TPM1: variants seen among roughly 807,000 people sequenced by gnomAD.
TPM1 encodes tropomyosin 1.
Under a neutral mutation model 42.9 loss-of-function variants are expected in TPM1, and 24 were observed. The observed-to-expected ratio is 0.56, with a 90% CI of 0.41 to 0.79. TPM1 has a LOEUF of 0.79. Among genes scored for constraint, TPM1 ranks in the 30% least tolerant of loss-of-function variants. The pLI, the probability that TPM1 is intolerant of heterozygous loss-of-function variation, is 0.00. For missense variants in TPM1, 158 were observed against 351.8 expected (o/e 0.45, Z 4.41); for synonymous variants, 136 against 130.1 (o/e 1.05, Z -0.31).
intron 8 of TPM1, 55 bp from the exon 9 acceptor site, chr15:63,064,009 T>C: frequency 6.2e-7 from 1 of 1,607,276 alleles, no homozygotes; most frequent in South Asian, 1.1e-5. Flanking sequence ...TCACCCTCCA[T>C]TTCTTGATCA....
rs1042678324 is a variant in TPM1, at chr15:63,066,082, C to G, written c.*183C>G. 6.6e-7 allele frequency: 1 copy of G among 1,515,866 alleles called. No homozygotes were observed. The highest frequency in any genetic ancestry group is 8.8e-7 in the Non-Finnish European group (1 of 1,138,432). 93.9% of individuals were successfully genotyped at this position (1,515,866 alleles called of 1,614,324 possible). On this transcript the variant is annotated 3_prime_UTR_variant, in exon 10 of 10. Transcript: ENST00000403994. ...TCTTCGTTTCAGTGTCAAATAAACA[C>G]TGTGTAAGCTATTTCTGTTTGCTAT... is the stretch of plus-strand genomic sequence containing the variant.
rs367704354 is a variant in TPM1 at position 63,055,250 on chromosome 15, G to A, written c.241-1735G>A. 1.2e-3 allele frequency among the ~76,000 whole-genome samples: 178 copies of A among 152,280 alleles called. 7 individuals carry two copies. The South Asian group carries it at 0.032, about 27-fold the overall frequency. ...CTCTGATTTATTTCACATTTGCCCT[G>A]CTCCCTGCCTCCATCAACCAATTAC... On this transcript the variant is annotated intron_variant, in intron 2 of 9. Transcript: ENST00000403994.
chr15:63,049,064 A>C, intron 2 of TPM1: 1 of 288,688 alleles, frequency 3.5e-6, no homozygotes, highest in Non-Finnish European at 6.8e-6. Context: ...GGCTTGCTTT[A>C]CTCTGAGAGT....
downstream of TPM1, among the ~76,000 whole-genome samples, chr15:63,068,290 T>A (rs1398442218): frequency 1.3e-5 from 2 of 152,120 alleles, no homozygotes; most frequent in East Asian, 3.8e-4. Flanking sequence ...TCCGAACTAA[T>A]AGGCATGTGT....
chr15:63,058,339 C>A (rs1160429316), intron 3 of TPM1, among the ~76,000 whole-genome samples: 1 of 152,116 alleles, frequency 6.6e-6, no homozygotes, highest in Non-Finnish European at 1.5e-5. Flanking sequence ...TGACTTGCAC[C>A]AAGGCTCACA....
In TPM1 at chr15:63,042,957, C is replaced by G; in HGVS notation, c.114+14C>G. ...AGGAGCAAGCAGGTCTGCGCCTCCC[C>G]GGCCCTGCGCCCGCGCCCAGAGCGC... On this transcript the variant is annotated intron_variant, in intron 1 of 9. Coordinates refer to ENST00000403994, the MANE Select transcript of TPM1 (RefSeq NM_001018005.2). 1 of 1,578,624 alleles carries G rather than the reference C, an allele frequency of 6.3e-7. No individual in the cohort carries two copies. Among genetic ancestry groups the G allele is most frequent in the Non-Finnish European group, 8.6e-7 (1 of 1,161,740 alleles).
chr15:63,065,649 A>T, intron 9 of TPM1: 2 of 984,392 alleles, frequency 2.0e-6, no homozygotes, highest in Middle Eastern at 1.0e-3. Context: ...GTAGCTTAAA[A>T]TTTTTTTTGT....
At position 63,042,782 on chromosome 15, in the gene TPM1, C is replaced by G. The variant is rs747523720; in HGVS notation, c.-48C>G. 6 of 1,540,354 alleles carry G rather than the reference C, an allele frequency of 3.9e-6. No individual in the cohort carries two copies. Among genetic ancestry groups the G allele is most frequent in the Non-Finnish European group, 5.4e-6 (6 of 1,119,978 alleles). ...CCGCTCCTCCGCCCGACCGCGCGCT[C>G]GCCCCGCCGCTCCTGCTGCAGCCCC... On this transcript the variant is annotated 5_prime_UTR_variant, in exon 1 of 10. Transcript: ENST00000403994.
chr15:63,061,190 A>G, intron 5 of TPM1: 1 of 1,614,102 alleles, frequency 6.2e-7, no homozygotes, highest in Non-Finnish European at 8.5e-7. Flanking sequence ...TCCTGTGTCC[A>G]CTAACAGCCA....
chr15:63,044,271 G>GC (rs2031911260), intron 2 of TPM1, 119 bp downstream of exon 2: 1 of 1,471,756 alleles, frequency 6.8e-7, no homozygotes, highest in Non-Finnish European at 9.4e-7. Flanking sequence ...CCTGCACACA[G>GC]CCCTGCCATG....
intron 2 of TPM1, chr15:63,048,812 C>A: frequency 1.4e-6 from 2 of 1,456,538 alleles, no homozygotes; most frequent in Non-Finnish European, 1.9e-6. Flanking sequence ...GTCCCTCGTC[C>A]CCACGCCTCC....
Position 63,042,902 on chromosome 15 carries a change from G to A in TPM1, c.73G>A (p.Ala25Thr). ...GAACGCCTTGGATCGAGCTGAGCAG[G>A]CGGAGGCCGACAAGAAGGCGGCGGA... ...KENALDRAEQ[A>T]EADKKAAEDR... Residue 25 changes from alanine (A) to threonine (T), a missense_variant, in exon 1 of 10, where the codon GCG (alanine) becomes ACG (threonine). This residue lies in a region of TPM1 where 24 missense variants were observed against 26.8 expected (regional missense o/e 0.89). Coordinates refer to ENST00000403994, the MANE Select transcript of TPM1 (RefSeq NM_001018005.2). 1 of 1,611,590 alleles carries A rather than the reference G, an allele frequency of 6.2e-7. No individual in the cohort carries two copies. Among genetic ancestry groups the A allele is most frequent in the Non-Finnish European group, 8.5e-7 (1 of 1,178,884 alleles).
chr15:63,049,322 C>G (rs2033330425), intron 2 of TPM1: 1 of 153,400 alleles, frequency 6.5e-6, no homozygotes, highest in Non-Finnish European at 1.5e-5. Flanking sequence ...CTTTTTTCAG[C>G]AGTCCTCCTC....
chr15:63,065,554 A>G, intron 9 of TPM1: 1 of 985,098 alleles, frequency 1.0e-6, no homozygotes, highest in Non-Finnish European at 1.2e-6. Flanking sequence ...ATCTGTCTCT[A>G]AGGTCTTTTT....
chr15:63,045,176 A>G (rs2032121452), intron 2 of TPM1: 1 of 152,218 alleles, frequency 6.6e-6, no homozygotes, highest in Admixed American at 6.5e-5. Context: ...AGACTTTTTT[A>G]TATGAAAGTA....
downstream of TPM1, among the ~76,000 whole-genome samples, chr15:63,066,849 G>C (rs1165114222): frequency 6.6e-6 from 1 of 151,292 alleles, no homozygotes. Flanking sequence ...TTCAATGGCT[G>C]TGTTTTCATT....
At chr15:63,062,117 C>T in intron 6 of TPM1, 98 bp from the exon 7 acceptor site, 1 of 1,077,764 alleles carries the variant, frequency 9.3e-7, no homozygotes, top group Non-Finnish European at 1.4e-6. Flanking sequence ...CTAAGAGATC[C>T]TTAACATCTG....
chr15:63,048,336 C>T (rs954433398), intron 2 of TPM1: 1 of 1,111,470 alleles, frequency 9.0e-7, no homozygotes, highest in East Asian at 4.2e-5. Flanking sequence ...CCAGCCAGTC[C>T]CGGGATCCAC....
downstream of TPM1, among the ~76,000 whole-genome samples, chr15:63,066,476 G>T (rs187930788): frequency 6.6e-6 from 1 of 152,310 alleles, no homozygotes; most frequent in Admixed American, 6.5e-5. Flanking sequence ...TTTAGCTCGG[G>T]ATGTAGTGAC....
Sources: allele counts gnomAD v4.1 joint callset (sites outside exome capture counted in the v4.1 genomes callset), GRCh38; gene constraint gnomAD v4.1.1; regional missense constraint gnomAD v4.1.1; transcripts MANE v1.5; gene names NCBI Gene and HGNC (gene_info 2026-07-23, HGNC 2026-07-21).